Variants in TANC2 observed in about 807,000 individuals in gnomAD.
TANC2 encodes the protein tetratricopeptide repeat, ankyrin repeat and coiled-coil containing 2, also known as protein TANC2.
A neutral mutation model predicts 210.5 loss-of-function variants in TANC2; 26 were observed. That is an observed-to-expected ratio of 0.12 (90% CI 0.09 to 0.17). The LOEUF is 0.17. Among genes scored for constraint, TANC2 ranks in the 10% least tolerant of loss-of-function variants. The pLI, the probability that TANC2 is intolerant of heterozygous loss-of-function variation, is 1.00. For synonymous variants in TANC2, 931 were observed against 967.1 expected, an observed-to-expected ratio of 0.96 and a Z score of 0.69; for missense variants, 2,129 against 2,608.9, an observed-to-expected ratio of 0.82 and a Z score of 4.01.
At chr17:63,230,183 A>C (rs2042436106) in intron 7 of TANC2, among the ~76,000 whole-genome samples, 1 of 151,956 alleles carries the variant, frequency 6.6e-6, no homozygotes, top group African/African-American at 2.4e-5. Context: ...CTTCTTTATT[A>C]GTCCAGTTAG....
At chr17:63,304,377 C>G (rs936808577) in intron 9 of TANC2, among the ~76,000 whole-genome samples, 3 of 152,102 alleles carry the variant, frequency 2.0e-5, no homozygotes, top group African/African-American at 7.2e-5. Flanking sequence ...TCACTTCAGG[C>G]CCTATTCATC....
At chr17:62,988,422 G>C (rs1253358930) in intron 1 of TANC2, among the ~76,000 whole-genome samples, 2 of 151,964 alleles carry the variant, frequency 1.3e-5, no homozygotes, top group Non-Finnish European at 2.9e-5. Context: ...ACAGGCGTGA[G>C]CCACTGTGCC....
At chr17:63,007,791 A>G (rs2033686964) in intron 1 of TANC2, among the ~76,000 whole-genome samples, 1 of 151,962 alleles carries the variant, frequency 6.6e-6, no homozygotes, top group African/African-American at 2.4e-5. Context: ...TGTTATTTTT[A>G]TAGTCATTTA....
intron 10 of TANC2, among the ~76,000 whole-genome samples, chr17:63,316,808 C>T (rs1395587739): frequency 6.6e-6 from 1 of 152,078 alleles, no homozygotes; most frequent in African/African-American, 2.4e-5. Context: ...TGATATAATG[C>T]AAGCTATTTT....
At chr17:63,086,987 G>A (rs55853047) in intron 3 of TANC2, among the ~76,000 whole-genome samples, 2,815 of 152,280 alleles carry the variant, frequency 0.018, 51 homozygotes, top group Non-Finnish European at 0.03. Context: ...AGCCTGCAGC[G>A]GCAACTCACT....
At chr17:62,991,639 C>CAAAAA (rs576514397) in intron 1 of TANC2, among the ~76,000 whole-genome samples, 1 of 62,638 alleles carries the variant, frequency 1.6e-5, no homozygotes, top group African/African-American at 5.4e-5. Flanking sequence ...GACTCCGTCT[C>CAAAAA]AAAAAAAAAA....
At chr17:63,308,066 G>A (rs1454238100) in intron 9 of TANC2, among the ~76,000 whole-genome samples, 1 of 152,020 alleles carries the variant, frequency 6.6e-6, no homozygotes, top group Non-Finnish European at 1.5e-5. Context: ...TGCCCAGCCT[G>A]TATCCAGAGT....
chr17:62,995,804 A>G (rs1004966867), intron 1 of TANC2, among the ~76,000 whole-genome samples: 1 of 152,218 alleles, frequency 6.6e-6, no homozygotes, highest in Non-Finnish European at 1.5e-5. Flanking sequence ...GAAATTATCA[A>G]AGATTATCAG....
Position 63,250,282 on chromosome 17 carries a change from G to GTATTTATTTATT in TANC2, c.1033+12221_1033+12232dup, listed in dbSNP as rs372173982. Among the ~76,000 whole-genome samples the GTATTTATTTATT allele has an allele frequency of 3.6e-3, 542 of 150,772 alleles. 4 individuals are homozygous for GTATTTATTTATT. Among genetic ancestry groups the GTATTTATTTATT allele is most frequent in the African/African-American group, 0.013 (510 of 40,790 alleles). ...TGGAAAGTGTTAGTTAAATATTATA[G>GTATTTATTTATT]TATTTATTTATTTATTTATTTATTT... On this transcript the variant is annotated intron_variant, in intron 8 of 27. Transcript: ENST00000689528.
At chr17:63,095,823 A>C (rs992108689) in intron 3 of TANC2, among the ~76,000 whole-genome samples, 2 of 152,232 alleles carry the variant, frequency 1.3e-5, no homozygotes, top group African/African-American at 4.8e-5. Flanking sequence ...CTGTAGCTAC[A>C]ATAAGTTCAG....
intron 2 of TANC2, among the ~76,000 whole-genome samples, chr17:63,046,349 T>TTTTG (rs2035381445): frequency 4.3e-5 from 6 of 140,396 alleles, no homozygotes; most frequent in African/African-American, 8.2e-5. Context: ...TTTTTTTTTT[T>TTTTG]GAGATGGAGT....
chr17:63,143,380 GT>G (rs1420057358), intron 4 of TANC2, among the ~76,000 whole-genome samples: 1 of 152,028 alleles, frequency 6.6e-6, no homozygotes, highest in Non-Finnish European at 1.5e-5. Flanking sequence ...TTTATGAAAT[GT>G]TTAAAGAAGG....
chr17:63,090,579 TG>T (rs1309892898), intron 3 of TANC2, among the ~76,000 whole-genome samples: 1 of 152,218 alleles, frequency 6.6e-6, no homozygotes, highest in African/African-American at 2.4e-5. Flanking sequence ...GGTGTATATG[TG>T]CCACGTTTTC....
At position 63,350,487 on chromosome 17, in the gene TANC2, C is replaced by T. The variant is rs148552923; in HGVS notation, c.1808-763C>T. Among the ~76,000 whole-genome samples, 888 of 152,302 alleles carry T rather than the reference C, an allele frequency of 5.8e-3. 6 individuals are homozygous for T. Among genetic ancestry groups the T allele is most frequent in the Non-Finnish European group, 7.7e-3 (525 of 68,028 alleles). On this transcript the variant is annotated intron_variant, in intron 12 of 27. Coordinates refer to ENST00000689528, the Ensembl canonical transcript of TANC2. ...AGCCTGAAATTTTCCCAAGCTGCTT[C>T]GTCAGCATAGCCCTAAAGTTAAATT...
intron 13 of TANC2, among the ~76,000 whole-genome samples, chr17:63,353,717 A>G (rs982266695): frequency 6.6e-6 from 1 of 152,156 alleles, no homozygotes; most frequent in Non-Finnish European, 1.5e-5. Flanking sequence ...AAAAGTGGCC[A>G]GTGTGCTAAG....
At chr17:63,393,599 T>C (rs2147186500) in intron 17 of TANC2, 1 of 152,314 alleles carries the variant, frequency 6.6e-6, no homozygotes, top group South Asian at 2.1e-4. Flanking sequence ...GGTAATGTCT[T>C]CCAGGTTTCT....
chr17:63,028,702 T>A (rs767346490), intron 2 of TANC2, among the ~76,000 whole-genome samples: 1 of 152,174 alleles, frequency 6.6e-6, no homozygotes, highest in Non-Finnish European at 1.5e-5. Context: ...CTGCTGGTTT[T>A]CAAGTGCCTT....
intron 8 of TANC2, among the ~76,000 whole-genome samples, chr17:63,250,970 G>A (rs1178191496): frequency 6.6e-6 from 1 of 152,114 alleles, no homozygotes; most frequent in Admixed American, 6.6e-5. Flanking sequence ...CATTAAGAAA[G>A]CAAAACAGTG....
intron 14 of TANC2, among the ~76,000 whole-genome samples, chr17:63,366,051 C>T (rs1022863451): frequency 2.6e-5 from 4 of 151,882 alleles, no homozygotes; most frequent in Non-Finnish European, 4.4e-5. Context: ...AGTAAGCGCA[C>T]GGTAAATTTT....
Sources: gnomAD v4.1 joint callset for allele counts (sites outside exome capture counted in the v4.1 genomes callset) on GRCh38, gnomAD v4.1.1 for gene constraint, MANE v1.5 for transcripts, NCBI Gene and HGNC (gene_info 2026-07-23, HGNC 2026-07-21) for gene names.